FGFR1: variants seen among roughly 807,000 people sequenced by gnomAD.
FGFR1 encodes fibroblast growth factor receptor 1, also known as FGFR1/PLAG1 fusion.
A neutral mutation model predicts 93.7 loss-of-function variants in FGFR1; 18 were observed. The observed-to-expected ratio is 0.19, with a 90% CI of 0.13 to 0.28. The LOEUF (loss-of-function observed/expected upper bound fraction) is 0.28, where lower values mean the gene tolerates loss of function less well. FGFR1 is among the 10% of genes least tolerant of loss of function. The probability of loss-of-function intolerance (pLI) is 1.00; values close to 1 mark genes in which losing one functional copy is unlikely to be tolerated. For missense variants in FGFR1, 731 were observed against 1,080.4 expected (o/e 0.68, Z 4.53); for synonymous variants, 448 against 429.3 (o/e 1.04, Z -0.54).
chr8:38,435,940 G>A (rs556553670), intron 2 of FGFR1, among the ~76,000 whole-genome samples: 20 of 152,224 alleles, frequency 1.3e-4, no homozygotes, highest in Non-Finnish European at 2.6e-4. Context: ...CAAAACACTT[G>A]CTTTGTGCAT....
intron 2 of FGFR1, among the ~76,000 whole-genome samples, chr8:38,439,927 C>T (rs190848221): frequency 2.0e-5 from 3 of 152,010 alleles, no homozygotes; most frequent in African/African-American, 7.3e-5. Flanking sequence ...ACCTACTCTA[C>T]GTTCTACACT....
At chr8:38,438,750 T>C (rs773089148) in intron 2 of FGFR1, among the ~76,000 whole-genome samples, 1 of 152,066 alleles carries the variant, frequency 6.6e-6, no homozygotes, top group South Asian at 2.1e-4. Flanking sequence ...ATCTTCACAG[T>C]GTCTTGACTT....
chr8:38,423,335 T>TA (rs374609650), intron 7 of FGFR1: 56 of 559,830 alleles, frequency 1.0e-4, no homozygotes, highest in African/African-American at 6.3e-4. Flanking sequence ...TTTTTTTTTT[T>TA]AACGCAGAGT....
chr8:38,431,468 C>T (rs1563523143), intron 2 of FGFR1, among the ~76,000 whole-genome samples: 1 of 152,240 alleles, frequency 6.6e-6, no homozygotes. Flanking sequence ...AAATACCACA[C>T]GTGCAGTCAC....
chr8:38,432,922 C>CCCCCCT, intron 2 of FGFR1, among the ~76,000 whole-genome samples: 1 of 146,602 alleles, frequency 6.8e-6, no homozygotes, highest in Admixed American at 6.8e-5. Context: ...CCCCCCCTCC[C>CCCCCCT]CAGTTGGGAT....
chr8:38,416,525 G>A (rs374212792), intron 12 of FGFR1, among the ~76,000 whole-genome samples: 5 of 136,516 alleles, frequency 3.7e-5, no homozygotes, highest in Non-Finnish European at 3.0e-5. Flanking sequence ...GCGCGATCTC[G>A]GCTAACCGCA....
At chr8:38,456,967 G>A (rs900334023) in intron 2 of FGFR1, among the ~76,000 whole-genome samples, 8 of 152,106 alleles carry the variant, frequency 5.3e-5, no homozygotes, top group African/African-American at 1.7e-4. Flanking sequence ...AGTTCTACAC[G>A]CAAATTCTAA....
rs779223305 is a variant in FGFR1, at chr8:38,421,955, C to T, written c.937-14G>A. 62 of 1,613,702 alleles carry T rather than the reference C, an allele frequency of 3.8e-5. No individual in the cohort carries two copies. Among genetic ancestry groups the T allele is most frequent in the South Asian group, 2.7e-4 (25 of 91,028 alleles). ...AACTCCAGCAGTCTAGAAGAGACAA[C>T]GGAAGCAAAATGGACAAGCACAGGA... On this transcript the variant is annotated splice_polypyrimidine_tract_variant and intron_variant, in intron 7 of 17. Transcript: ENST00000447712.
chr8:38,441,891 T>C (rs1255227290), intron 2 of FGFR1, among the ~76,000 whole-genome samples: 2 of 152,172 alleles, frequency 1.3e-5, no homozygotes, highest in African/African-American at 2.4e-5. Flanking sequence ...CAATGAAGAC[T>C]GAAAAATGAG....
chr8:38,423,237 G>GCTC (rs1161138964), intron 7 of FGFR1: 10 of 760,330 alleles, frequency 1.3e-5, no homozygotes, highest in Non-Finnish European at 2.4e-5. Flanking sequence ...CACGCACGTT[G>GCTC]CTCCCGTGTA....
At chr8:38,437,011 G>A (rs1825692415) in intron 2 of FGFR1, among the ~76,000 whole-genome samples, 1 of 152,142 alleles carries the variant, frequency 6.6e-6, no homozygotes, top group Admixed American at 6.5e-5. Flanking sequence ...GTCCCGAGTA[G>A]CTGGGACTAT....
rs765896428 is a variant in FGFR1 at position 38,416,047 on chromosome 8, G to T, written c.1677C>A (p.Val559=). The T allele has an allele frequency of 6.2e-7, 1 of 1,612,382 alleles. No homozygotes were observed. Among genetic ancestry groups the T allele is most frequent in the Non-Finnish European group, 8.5e-7 (1 of 1,179,742 alleles). Residue 559 remains valine, a synonymous_variant, in exon 13 of 18, where the codon GTC becomes GTA. Transcript: ENST00000447712. The part of the protein sequence containing the change: ...GACTQDGPLY[V]IVEYASKGNL... Reference sequence around the variant, plus strand: ...TGCCCTTGGAGGCATACTCCACGATGACATACAAGGGACCTGCAGGCACAG... The same window carrying T: ...TGCCCTTGGAGGCATACTCCACGATTACATACAAGGGACCTGCAGGCACAG...
Position 38,429,261 on chromosome 8 carries a change from A to C in FGFR1, c.358+421T>G. On this transcript the variant is annotated intron_variant, in intron 3 of 17. Coordinates refer to ENST00000447712, the MANE Select transcript of FGFR1 (RefSeq NM_023110.3). The surrounding 1 kb of genome is among the most constrained non-coding windows in gnomAD (Gnocchi z 4.4). ...TTGCGGTGCACCTGGGTTCCTCTCCAGCAGAGCAGGGATACCACCACCTGT... is the reference window on the plus strand; with the variant it reads ...TTGCGGTGCACCTGGGTTCCTCTCCCGCAGAGCAGGGATACCACCACCTGT... 2.0e-6 allele frequency: 1 copy of C among 496,012 alleles called. No individual in the cohort carries two copies. Among genetic ancestry groups the C allele is most frequent in the South Asian group, 1.5e-5 (1 of 66,666 alleles). 30.7% of individuals were successfully genotyped at this position (496,012 alleles called of 1,614,324 possible).
intron 2 of FGFR1, among the ~76,000 whole-genome samples, chr8:38,437,732 T>C (rs1024481942): frequency 1.3e-5 from 2 of 152,134 alleles, no homozygotes; most frequent in African/African-American, 2.4e-5. Flanking sequence ...TTTCAATTTG[T>C]AAGTTGAGGG....
At chr8:38,466,617 C>T (rs1302983860) in intron 1 of FGFR1, 1 of 229,548 alleles carries the variant, frequency 4.4e-6, no homozygotes, top group Non-Finnish European at 8.6e-6. Flanking sequence ...CCCCGAATCT[C>T]AACGCCGCAT....
chr8:38,423,175 G>A lies in FGFR1; in HGVS notation c.937-1234C>T, dbSNP rs371373293. 9.4e-4 allele frequency: 731 copies of A among 779,176 alleles called. 9 individuals are homozygous for A. Among genetic ancestry groups the A allele is most frequent in the South Asian group, 6.9e-3 (516 of 74,452 alleles). The allele number at this position is 779,176 out of a possible 1,614,324, so 48.3% of individuals were successfully genotyped here. ...GCATCCGAGCTATTAATCCCCGAAT[G>A]CTGGAACAAACCAACGACACACCAG... On this transcript the variant is annotated intron_variant, in intron 7 of 17. Transcript: ENST00000447712.
In FGFR1 at chr8:38,428,100, G is replaced by A. The variant is rs754454127; in HGVS notation, c.449-7C>T. The A allele has an allele frequency of 2.5e-5, 40 of 1,613,836 alleles. 1 individual carries two copies. Among genetic ancestry groups the A allele is most frequent in the South Asian group, 1.9e-4 (17 of 91,052 alleles). ...GTCCAATATGGAGCTACGGCTGCCC[G>A]GGGAAAGCCAAGAGAGACAGGCAGG... is the stretch of plus-strand genomic sequence containing the variant. On this transcript the variant is annotated splice_polypyrimidine_tract_variant and splice_region_variant and intron_variant, in intron 4 of 17. Transcript: ENST00000447712.
chr8:38,439,338 C>T (rs190825553), intron 2 of FGFR1, among the ~76,000 whole-genome samples: 180 of 152,288 alleles, frequency 1.2e-3, no homozygotes, highest in African/African-American at 4.1e-3. Context: ...AGACAGCACC[C>T]TGCCTCTCCT....
At chr8:38,440,193 G>A in intron 2 of FGFR1, 1 of 886,916 alleles carries the variant, frequency 1.1e-6, no homozygotes, top group Non-Finnish European at 1.8e-6. Context: ...AACTCGGGGT[G>A]GCTTTGAAAG....
Sources: gnomAD v4.1 joint callset for allele counts (sites outside exome capture counted in the v4.1 genomes callset) on GRCh38, gnomAD v4.1.1 for gene constraint, Gnocchi (gnomAD v3.1) non-coding constraint, MANE v1.5 for transcripts, NCBI Gene and HGNC (gene_info 2026-07-23, HGNC 2026-07-21) for gene names.